The following NDST3 variants were observed in gnomAD, a reference collection of about 807,000 sequenced individuals.
NDST3 encodes bifunctional heparan sulfate N-deacetylase/N-sulfotransferase 3.
A neutral mutation model predicts 96.1 loss-of-function variants in NDST3; 58 were observed. The observed-to-expected ratio is 0.60, with a 90% CI of 0.49 to 0.75. NDST3 has a LOEUF of 0.75. NDST3 is among the 30% of genes least tolerant of loss of function. The probability of loss-of-function intolerance (pLI) is 0.00; values close to 1 mark genes in which losing one functional copy is unlikely to be tolerated. For missense variants in NDST3, 788 were observed against 1,034.2 expected, an observed-to-expected ratio of 0.76 and a Z score of 3.27; for synonymous variants, 333 against 359.7, an observed-to-expected ratio of 0.93 and a Z score of 0.84.
At chr4:118,202,453 A>C (rs1317351384) in intron 6 of NDST3, among the ~76,000 whole-genome samples, 1 of 152,194 alleles carries the variant, frequency 6.6e-6, no homozygotes, top group East Asian at 1.9e-4. Flanking sequence ...ATTCATCGGC[A>C]TGGAATGTTT....
chr4:118,148,760 T>G (rs2125912823), intron 6 of NDST3, among the ~76,000 whole-genome samples: 1 of 152,340 alleles, frequency 6.6e-6, no homozygotes, highest in South Asian at 2.1e-4. Context: ...AATAATACAT[T>G]GACCTAATGG....
chr4:118,061,147 C>T (rs766366294), intron 2 of NDST3, among the ~76,000 whole-genome samples: 2 of 152,152 alleles, frequency 1.3e-5, no homozygotes, highest in South Asian at 2.1e-4. Flanking sequence ...TTTTCCCTCA[C>T]GCTACTGCAG....
intron 2 of NDST3, among the ~76,000 whole-genome samples, chr4:118,093,089 A>G (rs1018639451): frequency 6.6e-6 from 1 of 151,844 alleles, no homozygotes; most frequent in Non-Finnish European, 1.5e-5. Flanking sequence ...AACAATGAGA[A>G]GGGCTGTGCG....
rs754098203 is a variant in NDST3 at position 118,054,420 on chromosome 4, G to C, written c.510G>C (p.Lys170Asn). 27 of 1,612,976 alleles carry C rather than the reference G, an allele frequency of 1.7e-5. No homozygotes were observed. The highest frequency in any genetic ancestry group is 2.3e-5 in the Non-Finnish European group (27 of 1,179,436). Residue 170 changes from lysine to asparagine, a missense_variant, in exon 2 of 14, where the codon AAG (lysine) becomes AAC (asparagine). By Grantham distance (94) the Lys-to-Asn change is moderately conservative (BLOSUM62 0). Around this residue, in one of 3 missense-constraint regions of NDST3, gnomAD observed 234 missense variants for 256.9 expected, o/e 0.91. Coordinates refer to ENST00000296499, the MANE Select transcript of NDST3 (RefSeq NM_004784.3). ...GVIGFHKTSE[K>N]SVQSFQLKGF... ...TTGGATTCCACAAAACTAGTGAGAA[G>C]AGTGTACAGAGCTTTCAGTTAAAAG...
chr4:118,212,223 G>A lies in NDST3; in HGVS notation c.1540-12268G>A, dbSNP rs561632488. 7.2e-5 allele frequency among the ~76,000 whole-genome samples: 11 copies of A among 152,322 alleles called. No homozygotes were observed. The South Asian group carries it at 2.3e-3, about 32-fold the overall frequency. ...TTAATTGTTTTTTATAAATAAAGCAGATAGAGGCAGCTACAGTCTGGATTA... is the reference window on the plus strand; with the variant it reads ...TTAATTGTTTTTTATAAATAAAGCAAATAGAGGCAGCTACAGTCTGGATTA... On this transcript the variant is annotated intron_variant, in intron 6 of 13. Coordinates refer to ENST00000296499, the MANE Select transcript of NDST3 (RefSeq NM_004784.3).
intron 4 of NDST3, among the ~76,000 whole-genome samples, 198 bp from the exon 5 acceptor site, chr4:118,137,856 A>G (rs1733241322): frequency 6.6e-6 from 1 of 152,200 alleles, no homozygotes; most frequent in Non-Finnish European, 1.5e-5. Flanking sequence ...CAGATGCATC[A>G]ACATAAGGAC....
intron 6 of NDST3, among the ~76,000 whole-genome samples, chr4:118,215,683 C>T (rs943872931): frequency 3.3e-5 from 5 of 152,058 alleles, no homozygotes; most frequent in Non-Finnish European, 5.9e-5. Flanking sequence ...ACTAAGATCA[C>T]ATGGGAGTTG....
intron 6 of NDST3, among the ~76,000 whole-genome samples, chr4:118,192,713 G>GTT (rs200456098): frequency 1.4e-5 from 2 of 144,818 alleles, no homozygotes; most frequent in Non-Finnish European, 3.0e-5. Flanking sequence ...TTTTTTGTGG[G>GTT]TTTTTTTTTT....
chr4:118,080,822 A>C (rs984529234), intron 2 of NDST3, among the ~76,000 whole-genome samples: 3 of 152,218 alleles, frequency 2.0e-5, no homozygotes, highest in Non-Finnish European at 2.9e-5. Flanking sequence ...TACTGAGGAC[A>C]TGAATTATTT....
chr4:118,227,864 G>A (rs555041763), intron 8 of NDST3, among the ~76,000 whole-genome samples: 4 of 151,954 alleles, frequency 2.6e-5, no homozygotes, highest in Non-Finnish European at 5.9e-5. Flanking sequence ...CGCCCGCCTC[G>A]GCCTCCCAAA....
chr4:118,135,048 G>A (rs554071075), intron 4 of NDST3, among the ~76,000 whole-genome samples: 32 of 152,236 alleles, frequency 2.1e-4, no homozygotes, highest in Middle Eastern at 6.8e-3. Context: ...TCTGCCTTCC[G>A]GATCACACTA....
At chr4:118,061,326 CT>C (rs1725877395) in intron 2 of NDST3, among the ~76,000 whole-genome samples, 1 of 152,152 alleles carries the variant, frequency 6.6e-6, no homozygotes, top group South Asian at 2.1e-4. Context: ...TGACCATTCT[CT>C]TTAAAGTTGC....
intron 6 of NDST3, chr4:118,194,019 T>A (rs1218633566): frequency 7.8e-7 from 1 of 1,278,774 alleles, no homozygotes; most frequent in East Asian, 2.3e-5. Context: ...GACTCCTTGG[T>A]CTTTTCAAAA....
At chr4:118,203,081 T>C (rs1367136932) in intron 6 of NDST3, among the ~76,000 whole-genome samples, 1 of 152,232 alleles carries the variant, frequency 6.6e-6, no homozygotes, top group African/African-American at 2.4e-5. Context: ...AATTTCATTT[T>C]TGCTTTTGAT....
chr4:118,214,532 G>A (rs1271586512), intron 6 of NDST3, among the ~76,000 whole-genome samples: 1 of 151,932 alleles, frequency 6.6e-6, no homozygotes, highest in African/African-American at 2.4e-5. Context: ...TTCATAATGT[G>A]GCTACTAAAC....
At chr4:118,172,118 G>C (rs1735992554) in intron 6 of NDST3, among the ~76,000 whole-genome samples, 1 of 152,188 alleles carries the variant, frequency 6.6e-6, no homozygotes, top group Non-Finnish European at 1.5e-5. Context: ...ATTGCAGTTG[G>C]CATCAGTAAA....
intron 6 of NDST3, among the ~76,000 whole-genome samples, chr4:118,222,304 T>C (rs540927323): frequency 1.3e-5 from 2 of 151,908 alleles, no homozygotes; most frequent in Non-Finnish European, 2.9e-5. Context: ...TTAATGTGCA[T>C]ACCTTCCTAA....
At chr4:118,127,079 A>G (rs1732168303) in intron 4 of NDST3, among the ~76,000 whole-genome samples, 1 of 147,124 alleles carries the variant, frequency 6.8e-6, no homozygotes, top group Admixed American at 6.8e-5. Flanking sequence ...AGTTTCTTAT[A>G]TATTCTGGTT....
At chr4:118,244,067 C>T (rs1299336286) in intron 12 of NDST3, among the ~76,000 whole-genome samples, 1 of 152,182 alleles carries the variant, frequency 6.6e-6, no homozygotes, top group Non-Finnish European at 1.5e-5. Context: ...AGCAGTGCCA[C>T]CCAGGCTCTC....
Sources: allele counts gnomAD v4.1 joint callset (sites outside exome capture counted in the v4.1 genomes callset), GRCh38; gene constraint gnomAD v4.1.1; regional missense constraint gnomAD v4.1.1; transcripts MANE v1.5; gene names NCBI Gene and HGNC (gene_info 2026-07-23, HGNC 2026-07-21).